CEP162: variants seen among roughly 807,000 people sequenced by gnomAD.
The protein encoded by CEP162 is centrosomal protein of 162 kDa.
Under a neutral mutation model 169.2 loss-of-function variants are expected in CEP162, and 141 were observed. That is an observed-to-expected ratio of 0.83 (90% CI 0.73 to 0.96). The LOEUF (loss-of-function observed/expected upper bound fraction) is 0.96, where lower values mean the gene tolerates loss of function less well. Ranked by LOEUF, CEP162 falls within the 40% of genes least tolerant of loss-of-function variation. The pLI is 0.00. For synonymous variants in CEP162, 540 were observed against 526.4 expected (o/e 1.03, Z -0.35); for missense variants, 1,600 against 1,587.2 (o/e 1.01, Z -0.14).
At position 84,186,622 on chromosome 6, in the gene CEP162, A is replaced by G. The variant is rs1462772824; in HGVS notation, c.1111T>C (p.Ser371Pro). ...TCTTTTCTTTCGGCCACTTTCTCAG[A>G]GCTATAAAACAAAACAGGACACAGA... Reference protein sequence around the residue: ...ISGFDLQPVSSEKVAERKETE... With the variant: ...ISGFDLQPVSPEKVAERKETE... Residue 371 changes from serine to proline, a missense_variant and splice_region_variant, in exon 12 of 27, where the codon TCT becomes CCT. Coordinates refer to ENST00000403245, the MANE Select transcript of CEP162 (RefSeq NM_014895.4). The G allele has an allele frequency of 3.1e-6, 5 of 1,598,070 alleles. No individual in the cohort carries two copies. Among genetic ancestry groups the G allele is most frequent in the Non-Finnish European group, 4.3e-6 (5 of 1,174,358 alleles).
chr6:84,192,384 T>G (rs1025327114), intron 11 of CEP162, among the ~76,000 whole-genome samples: 1 of 152,220 alleles, frequency 6.6e-6, no homozygotes. Context: ...ATATAAGATG[T>G]GTAAGAAAAT....
intron 22 of CEP162, 64 bp from the exon 23 acceptor site, chr6:84,153,243 T>C: frequency 7.0e-7 from 1 of 1,423,058 alleles, no homozygotes; most frequent in Admixed American, 2.4e-5. Flanking sequence ...GCTGAAGCCC[T>C]GCACACTACT....
At chr6:84,213,214 T>C (rs1297017194) in intron 5 of CEP162, among the ~76,000 whole-genome samples, 190 bp from the exon 6 acceptor site, 3 of 152,192 alleles carry the variant, frequency 2.0e-5, no homozygotes, top group Non-Finnish European at 2.9e-5. Flanking sequence ...CTTCGAAGCA[T>C]TTGATTAATT....
In CEP162 at chr6:84,185,414, C is replaced by T. The variant is rs1442651920; in HGVS notation, c.1436G>A (p.Gly479Glu). The change falls in exon 13 of 27, where the codon GGG becomes GAG. Residue 479 changes from glycine (G) to glutamate (E), a missense_variant. Coordinates refer to ENST00000403245, the MANE Select transcript of CEP162 (RefSeq NM_014895.4). ...YRSQLSSEEE[G>E]AVMGKQVPYK... The stretch of plus-strand genomic sequence containing the variant: ...TGGTACCTGTTTACCCATTACAGCC[C>T]CTTCTTCTTCAGAACTAAGTTGAGA... 6.2e-7 allele frequency: 1 copy of T among 1,613,188 alleles called. No individual in the cohort carries two copies. The highest frequency in any genetic ancestry group is 1.3e-5 in the African/African-American group (1 of 74,894).
Position 84,186,692 on chromosome 6 carries a change from C to T in CEP162, c.1110-69G>A, listed in dbSNP as rs149055755. ...GCTTTTCAAATATCAGTAATAACCA[C>T]GTGTGTGTGTACACGCAGACACACT... On this transcript the variant is annotated intron_variant, in intron 11 of 26. Coordinates refer to ENST00000403245, the MANE Select transcript of CEP162 (RefSeq NM_014895.4). 43 of 1,284,674 alleles carry T rather than the reference C, an allele frequency of 3.3e-5. No individual in the cohort carries two copies. In the Admixed American group the frequency reaches 5.2e-4, roughly 15 times the overall value. 79.6% of individuals were successfully genotyped at this position (1,284,674 alleles called of 1,614,324 possible).
chr6:84,140,458 T>C (rs1336799454), intron 25 of CEP162, among the ~76,000 whole-genome samples: 2 of 152,160 alleles, frequency 1.3e-5, no homozygotes, highest in African/African-American at 2.4e-5. Flanking sequence ...CGAGGGAGAT[T>C]TGATCTTTTG....
chr6:84,162,294 T>C (rs2099526096), intron 19 of CEP162, among the ~76,000 whole-genome samples: 1 of 152,144 alleles, frequency 6.6e-6, no homozygotes, highest in South Asian at 2.1e-4. Context: ...ACGACAAACA[T>C]TCAGGAGTGC....
At chr6:84,138,720 CAATT>C (rs1256652697) in intron 25 of CEP162, among the ~76,000 whole-genome samples, 1 of 152,188 alleles carries the variant, frequency 6.6e-6, no homozygotes, top group Non-Finnish European at 1.5e-5. Context: ...AAATTAACAA[CAATT>C]AAGTTAACTA....
chr6:84,193,540 G>GGAATGATT, intron 11 of CEP162, 69 bp downstream of exon 11: 1 of 875,474 alleles, frequency 1.1e-6, no homozygotes, highest in Non-Finnish European at 1.8e-6. Context: ...TCATTCACTA[G>GGAATGATT]GAATGATTAC....
intron 6 of CEP162, among the ~76,000 whole-genome samples, chr6:84,206,614 A>C (rs1588874939): frequency 6.6e-6 from 1 of 152,268 alleles, no homozygotes; most frequent in East Asian, 1.9e-4. Context: ...AACCATAAAA[A>C]CCCTAAAAGA....
At chr6:84,136,377 G>A (rs552562562) in intron 25 of CEP162, among the ~76,000 whole-genome samples, 1 of 152,318 alleles carries the variant, frequency 6.6e-6, no homozygotes, top group African/African-American at 2.4e-5. Flanking sequence ...CATGACAGAA[G>A]GGCAGGCAGG....
chr6:84,226,268 A>T (rs757979837), intron 2 of CEP162, 69 bp downstream of exon 2: 31 of 1,022,510 alleles, frequency 3.0e-5, no homozygotes, highest in Middle Eastern at 4.1e-4. Flanking sequence ...TATCTTCGAG[A>T]TGACAGAATT....
At chr6:84,160,575 C>A (rs1345334544) in intron 21 of CEP162, among the ~76,000 whole-genome samples, 2 of 152,094 alleles carry the variant, frequency 1.3e-5, no homozygotes, top group African/African-American at 2.4e-5. Context: ...AGCTAGGGTA[C>A]CAAATAACCT....
intron 3 of CEP162, chr6:84,219,277 C>T (rs2099552733): frequency 1.5e-6 from 1 of 648,348 alleles, no homozygotes; most frequent in African/African-American, 1.9e-5. Context: ...CCAGGTTATT[C>T]CCGTGGGCAG....
intron 16 of CEP162, among the ~76,000 whole-genome samples, chr6:84,172,674 C>T (rs2099530634): frequency 1.3e-5 from 2 of 152,096 alleles, no homozygotes; most frequent in African/African-American, 4.8e-5. Flanking sequence ...GAATGGTTCC[C>T]AGTAACTGAA....
intron 15 of CEP162, among the ~76,000 whole-genome samples, 186 bp downstream of exon 15, chr6:84,174,541 C>T (rs1484809850): frequency 2.0e-5 from 3 of 152,096 alleles, no homozygotes; most frequent in African/African-American, 7.2e-5. Context: ...TAATTTTCTC[C>T]CCCAAGGGTT....
At position 84,202,518 on chromosome 6, in the gene CEP162, CTTTT is replaced by C. The variant is rs70987776; in HGVS notation, c.688-755_688-752del. The stretch of plus-strand genomic sequence containing the variant: ...CATTTTTCTTTTCTTTTCTTTCTTT[CTTTT>C]TTTTTTTTTTTTTTTTTTTTTTTGA... On this transcript the variant is annotated intron_variant, in intron 7 of 26. Transcript: ENST00000403245. Among the ~76,000 whole-genome samples, 95 of 90,708 alleles carry C rather than the reference CTTTT, an allele frequency of 1.0e-3. 1 individual carries two copies. The highest frequency in any genetic ancestry group is 6.4e-3 in the Middle Eastern group (1 of 156). 59.5% of individuals were successfully genotyped at this position (90,708 alleles called of 152,430 possible). A position where few individuals can be genotyped will look rare whatever the true frequency, so the allele number is the denominator to read the frequency against.
At chr6:84,143,339 G>A (rs2099517467) in intron 25 of CEP162, among the ~76,000 whole-genome samples, 1 of 151,878 alleles carries the variant, frequency 6.6e-6, no homozygotes, top group Non-Finnish European at 1.5e-5. Context: ...TATATGACAG[G>A]TCATGGCTGC....
At chr6:84,182,503 T>C (rs2099535334) in intron 13 of CEP162, among the ~76,000 whole-genome samples, 1 of 152,056 alleles carries the variant, frequency 6.6e-6, no homozygotes, top group Non-Finnish European at 1.5e-5. Context: ...TATTAATAAA[T>C]ATCTAATTCT....
Sources: gnomAD v4.1 joint callset for allele counts (sites outside exome capture counted in the v4.1 genomes callset) on GRCh38, gnomAD v4.1.1 for gene constraint, MANE v1.5 for transcripts, NCBI Gene and HGNC (gene_info 2026-07-23, HGNC 2026-07-21) for gene names.